Variants in CYB5R3 observed in about 807,000 individuals in gnomAD.
CYB5R3 encodes the protein NADH-cytochrome b5 reductase 3.
In CYB5R3, 28 loss-of-function variants were observed where a neutral mutation model predicts 36.5. That is an observed-to-expected ratio of 0.77 (90% CI 0.57 to 1.05). The LOEUF (loss-of-function observed/expected upper bound fraction) is 1.05, where lower values mean the gene tolerates loss of function less well. Ranked by LOEUF, CYB5R3 falls within the 50% of genes least tolerant of loss-of-function variation. The pLI, the probability that CYB5R3 is intolerant of heterozygous loss-of-function variation, is 0.00. For synonymous variants in CYB5R3, 181 were observed against 159.8 expected (o/e 1.13, Z -1.00); for missense variants, 474 against 408.9 (o/e 1.16, Z -1.37).
intron 8 of CYB5R3, among the ~76,000 whole-genome samples, chr22:42,620,732 G>A (rs1374874408): frequency 6.6e-6 from 1 of 152,164 alleles, no homozygotes; most frequent in African/African-American, 2.4e-5. Flanking sequence ...AGTCCCGCTT[G>A]CCCTGGAACC....
Position 42,631,369 on chromosome 22 carries a change from G to A in CYB5R3, c.226+9C>T, listed in dbSNP as rs771455316. On this transcript the variant is annotated intron_variant, in intron 3 of 8. Coordinates refer to ENST00000352397, the MANE Select transcript of CYB5R3 (RefSeq NM_000398.7). ...GGCTCCGAATGGGCCCAGCAGGGGC[G>A]TGACTCACCGACAGGGAGGCCCAGG... 122 of 1,551,226 alleles carry A rather than the reference G, an allele frequency of 7.9e-5. No individual in the cohort carries two copies. The highest frequency in any genetic ancestry group is 1.0e-4 in the Non-Finnish European group (116 of 1,146,826).
At position 42,630,810 on chromosome 22, in the gene CYB5R3, G is replaced by C. The variant is rs546968795; in HGVS notation, c.333+72C>G. 1.4e-5 allele frequency: 18 copies of C among 1,313,184 alleles called. No individual in the cohort carries two copies. In the South Asian group the frequency reaches 1.6e-4, roughly 12 times the overall value. 81.3% of individuals were successfully genotyped at this position (1,313,184 alleles called of 1,614,324 possible). On this transcript the variant is annotated intron_variant, in intron 4 of 8. Coordinates refer to ENST00000352397, the MANE Select transcript of CYB5R3 (RefSeq NM_000398.7). ...CAGGAGCGGGAGACTTCCCTGTCCAGGGGGTCCACATGGGCTGTTGCCATG... is the reference window on the plus strand; with the variant it reads ...CAGGAGCGGGAGACTTCCCTGTCCACGGGGTCCACATGGGCTGTTGCCATG...
At chr22:42,644,857 G>A (rs1929464647) in intron 1 of CYB5R3, among the ~76,000 whole-genome samples, 1 of 152,120 alleles carries the variant, frequency 6.6e-6, no homozygotes, top group African/African-American at 2.4e-5. Flanking sequence ...CCAGCTTAAG[G>A]CCCCTCCGCG....
chr22:42,621,174 TTTC>T (rs1057110491), intron 8 of CYB5R3, among the ~76,000 whole-genome samples: 5 of 143,844 alleles, frequency 3.5e-5, no homozygotes, highest in Non-Finnish European at 6.0e-5. Flanking sequence ...TTCACAGCGA[TTTC>T]TTTTTAGTGT....
chr22:42,645,933 A>G (rs1362959855), intron 1 of CYB5R3, among the ~76,000 whole-genome samples: 3 of 152,070 alleles, frequency 2.0e-5, no homozygotes, highest in African/African-American at 7.2e-5. Context: ...GCCCGAGTTC[A>G]AGCCAGACGG....
intron 5 of CYB5R3, among the ~76,000 whole-genome samples, chr22:42,627,949 C>T (rs187815653): frequency 6.6e-6 from 1 of 152,206 alleles, no homozygotes; most frequent in African/African-American, 2.4e-5. Flanking sequence ...ACGTGGCCCC[C>T]AGGAGTGGCC....
At chr22:42,635,791 T>A (rs1928858893) in intron 2 of CYB5R3, among the ~76,000 whole-genome samples, 1 of 152,172 alleles carries the variant, frequency 6.6e-6, no homozygotes, top group Admixed American at 6.5e-5. Context: ...CTCCTGTGCC[T>A]GCTGGGGGTG....
At chr22:42,629,472 C>T (rs1199984085) in intron 4 of CYB5R3, among the ~76,000 whole-genome samples, 5 of 152,242 alleles carry the variant, frequency 3.3e-5, no homozygotes, top group Non-Finnish European at 7.3e-5. Context: ...TCGCAGGTAC[C>T]TGTCCCCTGC....
At chr22:42,645,093 G>A (rs867249751) in intron 1 of CYB5R3, among the ~76,000 whole-genome samples, 1 of 152,124 alleles carries the variant, frequency 6.6e-6, no homozygotes, top group Non-Finnish European at 1.5e-5. Flanking sequence ...TGGGCGCTGG[G>A]CCAAGAAAAA....
intron 1 of CYB5R3, chr22:42,638,998 C>T: frequency 2.4e-6 from 1 of 409,240 alleles, no homozygotes; most frequent in East Asian, 8.4e-5. Flanking sequence ...CGTGCCATTG[C>T]ACTCCAGCTT....
chr22:42,629,438 C>A (rs1928490182), intron 4 of CYB5R3, among the ~76,000 whole-genome samples: 2 of 152,226 alleles, frequency 1.3e-5, no homozygotes, highest in Admixed American at 1.3e-4. Context: ...CCACCCATCC[C>A]TGGTGGCCCT....
At chr22:42,622,127 G>T (rs1928007242) in intron 8 of CYB5R3, among the ~76,000 whole-genome samples, 1 of 152,110 alleles carries the variant, frequency 6.6e-6, no homozygotes, top group Non-Finnish European at 1.5e-5. Context: ...TCACCATGTT[G>T]GCCAGGATGG....
intron 8 of CYB5R3, among the ~76,000 whole-genome samples, chr22:42,620,430 C>G (rs1264543460): frequency 1.3e-5 from 2 of 152,162 alleles, no homozygotes; most frequent in Non-Finnish European, 2.9e-5. Flanking sequence ...ACTGCCCCCA[C>G]CTCCATGAGC....
intron 1 of CYB5R3, among the ~76,000 whole-genome samples, chr22:42,643,917 C>T (rs1280585249): frequency 1.3e-5 from 2 of 152,026 alleles, no homozygotes; most frequent in Admixed American, 1.3e-4. Context: ...GAGTAGGGGC[C>T]GCGGGTTTCC....
chr22:42,640,000 ATC>A, intron 1 of CYB5R3: 2 of 1,612,778 alleles, frequency 1.2e-6, no homozygotes, highest in African/African-American at 1.3e-5. Flanking sequence ...CTTGCCTGTG[ATC>A]TCTCTGACAT....
chr22:42,639,343 G>C (rs1349778796), intron 1 of CYB5R3, among the ~76,000 whole-genome samples: 2 of 146,102 alleles, frequency 1.4e-5, no homozygotes, highest in Non-Finnish European at 1.5e-5. Flanking sequence ...AAAAGTGGGG[G>C]GGGACCGGGC....
In CYB5R3 at chr22:42,640,848, T is replaced by G. The variant is rs547594121; in HGVS notation, c.22-4002A>C. Among the ~76,000 whole-genome samples the G allele has an allele frequency of 2.0e-5, 3 of 152,278 alleles. No individual in the cohort carries two copies. The South Asian group carries it at 6.2e-4, about 32-fold the overall frequency. On this transcript the variant is annotated intron_variant, in intron 1 of 8. Transcript: ENST00000352397. ...TAGTAAATATGTTTTCTCTTCCTTA[T>G]GATTTTTTTTTCTCTTTATTTATTT...
intron 1 of CYB5R3, among the ~76,000 whole-genome samples, chr22:42,644,959 G>A (rs531479562): frequency 8.5e-5 from 13 of 152,284 alleles, no homozygotes; most frequent in African/African-American, 2.6e-4. Context: ...CAGGCTCCCC[G>A]TGTGACAATG....
At chr22:42,622,617 T>C (rs743888) in intron 8 of CYB5R3, among the ~76,000 whole-genome samples, 55,186 of 152,084 alleles carry the variant, frequency 0.36, 12,299 homozygotes, top group South Asian at 0.51. Flanking sequence ...CCCTCAGGGA[T>C]GGGCCCAGGT....
Sources: gnomAD v4.1 joint callset for allele counts (sites outside exome capture counted in the v4.1 genomes callset) on GRCh38, gnomAD v4.1.1 for gene constraint, MANE v1.5 for transcripts, NCBI Gene and HGNC (gene_info 2026-07-23, HGNC 2026-07-21) for gene names.